Variants in STAT5B observed in about 807,000 individuals in gnomAD.
STAT5B encodes the protein transcription factor STAT5B.
A neutral mutation model predicts 107.8 loss-of-function variants in STAT5B; 21 were observed. That is an observed-to-expected ratio of 0.19 (90% confidence interval 0.14 to 0.28). The LOEUF is 0.28. STAT5B is among the 10% of genes least tolerant of loss of function. STAT5B has a pLI of 1.00. For missense variants in STAT5B, 565 were observed against 1,008.2 expected (o/e 0.56, Z 5.95); for synonymous variants, 325 against 401.7 (o/e 0.81, Z 2.28).
the STAT5B span, among the ~76,000 whole-genome samples, chr17:42,285,030 A>G: frequency 6.6e-6 from 1 of 152,054 alleles, no homozygotes; most frequent in South Asian, 2.1e-4. Context: ...GCTGCAGACT[A>G]TTATTATTCC....
chr17:42,228,279 A>G (rs2080290470), intron 2 of STAT5B, among the ~76,000 whole-genome samples: 1 of 152,230 alleles, frequency 6.6e-6, no homozygotes. Context: ...CAGGACCTGA[A>G]GGCAATGCCA....
intron 18 of STAT5B, 145 bp from the exon 19 acceptor site, chr17:42,202,009 G>C: frequency 2.6e-6 from 2 of 773,830 alleles, no homozygotes; most frequent in South Asian, 3.3e-5. Flanking sequence ...CATTCAAACA[G>C]CTGGCTGTAC....
intron 1 of STAT5B, chr17:42,272,669 T>A (rs1175090658): frequency 6.6e-6 from 1 of 152,048 alleles, no homozygotes; most frequent in Non-Finnish European, 1.5e-5. Context: ...CTGTATAAGT[T>A]TAAAATAAAA....
chr17:42,259,529 G>A (rs1243444163), intron 1 of STAT5B, among the ~76,000 whole-genome samples: 1 of 152,122 alleles, frequency 6.6e-6, no homozygotes, highest in East Asian at 1.9e-4. Flanking sequence ...GCTCACGCCT[G>A]TAATCCTAAC....
At chr17:42,262,848 G>GTGTA (rs1388885189) in intron 1 of STAT5B, among the ~76,000 whole-genome samples, 11 of 81,638 alleles carry the variant, frequency 1.3e-4, no homozygotes, top group Admixed American at 6.3e-4. Flanking sequence ...ACATATATAT[G>GTGTA]TATATACACA....
chr17:42,212,910 AAC>A (rs1195220360), intron 12 of STAT5B, among the ~76,000 whole-genome samples: 7 of 152,208 alleles, frequency 4.6e-5, no homozygotes, highest in African/African-American at 1.7e-4. Flanking sequence ...AAAGGCACCT[AAC>A]ACAGTTTCTT....
At chr17:42,245,803 C>G (rs1242955699) in intron 1 of STAT5B, among the ~76,000 whole-genome samples, 1 of 151,932 alleles carries the variant, frequency 6.6e-6, no homozygotes, top group South Asian at 2.1e-4. Flanking sequence ...GAATTACAGG[C>G]GTGAGCCACC....
chr17:42,277,267 G>GGCTA (rs2080774048), upstream of STAT5B, among the ~76,000 whole-genome samples: 1 of 152,012 alleles, frequency 6.6e-6, no homozygotes, highest in Admixed American at 6.6e-5. Flanking sequence ...ACCCTCCAAG[G>GGCTA]GCTAGCACTA....
the STAT5B span, among the ~76,000 whole-genome samples, chr17:42,287,336 C>CCCCG: frequency 4.6e-5 from 7 of 150,854 alleles, no homozygotes; most frequent in South Asian, 2.1e-4. Flanking sequence ...ATGCACCCCC[C>CCCCG]CCAACAGAAC....
At chr17:42,210,545 G>A (rs768206896) in intron 13 of STAT5B, 48 bp from the exon 14 acceptor site, 1 of 1,485,376 alleles carries the variant, frequency 6.7e-7, no homozygotes, top group Admixed American at 1.7e-5. Flanking sequence ...AGTAACACTT[G>A]GAATATTATA....
intron 15 of STAT5B, among the ~76,000 whole-genome samples, chr17:42,209,929 TTA>T (rs1439344414): frequency 6.6e-6 from 1 of 152,216 alleles, no homozygotes; most frequent in African/African-American, 2.4e-5. Flanking sequence ...CATGTCATGG[TTA>T]AATGTTCATG....
upstream of STAT5B, among the ~76,000 whole-genome samples, chr17:42,278,125 T>C (rs1309356998): frequency 6.6e-6 from 1 of 152,194 alleles, no homozygotes; most frequent in East Asian, 1.9e-4. Flanking sequence ...ATGTCCTGCC[T>C]TCTTGATGTC....
chr17:42,210,092 G>A, intron 15 of STAT5B, 79 bp downstream of exon 15: 2 of 1,599,740 alleles, frequency 1.3e-6, no homozygotes, highest in Non-Finnish European at 1.7e-6. Context: ...CAAATAGTAA[G>A]TACCCACTAA....
chr17:42,205,739 A>C (rs1420774086), intron 16 of STAT5B, among the ~76,000 whole-genome samples: 1 of 152,094 alleles, frequency 6.6e-6, no homozygotes, highest in Admixed American at 6.5e-5. Flanking sequence ...GCAAGACCCC[A>C]TATCTATAAA....
At chr17:42,202,937 C>T in intron 16 of STAT5B, 129 bp from the exon 17 acceptor site, 3 of 1,251,848 alleles carry the variant, frequency 2.4e-6, no homozygotes, top group Non-Finnish European at 3.5e-6. Flanking sequence ...GACACAAGCA[C>T]TTAATATTTT....
chr17:42,266,862 T>C (rs2080677634), intron 1 of STAT5B, among the ~76,000 whole-genome samples: 1 of 152,186 alleles, frequency 6.6e-6, no homozygotes. Context: ...AAGGCCAATC[T>C]CTTCATACAT....
At chr17:42,284,487 G>A in the STAT5B span, among the ~76,000 whole-genome samples, 2 of 152,086 alleles carry the variant, frequency 1.3e-5, no homozygotes, top group Non-Finnish European at 2.9e-5. Flanking sequence ...GGCTGATCTC[G>A]AACTCCTGAC....
intron 1 of STAT5B, among the ~76,000 whole-genome samples, chr17:42,239,197 A>G (rs1403105263): frequency 1.3e-5 from 2 of 150,190 alleles, no homozygotes; most frequent in Non-Finnish European, 3.0e-5. Flanking sequence ...GCAGTGAGCC[A>G]AGATCATGCC....
intron 13 of STAT5B, 98 bp from the exon 14 acceptor site, chr17:42,210,595 C>T (rs1459918103): frequency 1.8e-6 from 2 of 1,123,552 alleles, no homozygotes; most frequent in African/African-American, 3.1e-5. Flanking sequence ...AAACAAACAT[C>T]TACCCTTGTC....
Sources: allele counts gnomAD v4.1 joint callset (sites outside exome capture counted in the v4.1 genomes callset), GRCh38; gene constraint gnomAD v4.1.1; transcripts MANE v1.5; gene names NCBI Gene and HGNC (gene_info 2026-07-23, HGNC 2026-07-21).